TSPAN18: variants seen among roughly 807,000 people sequenced by gnomAD.
TSPAN18 encodes tetraspanin 18, also known as tetraspanin-18.
In TSPAN18, 14 loss-of-function variants were observed where a neutral mutation model predicts 27.3. That is an observed-to-expected ratio of 0.51 (90% CI 0.34 to 0.80). TSPAN18 has a LOEUF of 0.80. Ranked by LOEUF, TSPAN18 falls within the 30% of genes least tolerant of loss-of-function variation. TSPAN18 has a pLI of 0.01. For synonymous variants in TSPAN18, 143 were observed against 136.5 expected, an observed-to-expected ratio of 1.05 and a Z score of -0.33; for missense variants, 268 against 323.9, an observed-to-expected ratio of 0.83 and a Z score of 1.32.
intron 3 of TSPAN18, among the ~76,000 whole-genome samples, chr11:44,892,872 A>G (rs1858899145): frequency 6.6e-6 from 1 of 152,178 alleles, no homozygotes; most frequent in Admixed American, 6.5e-5. Context: ...CTCGCAGGGT[A>G]GTTGAGAGGG....
At chr11:44,729,262 G>GT (rs201779429) in intron 1 of TSPAN18, among the ~76,000 whole-genome samples, 1,579 of 151,934 alleles carry the variant, frequency 0.01, 25 homozygotes, top group African/African-American at 0.035. Context: ...AACAAAAGAA[G>GT]TTTTTTTTTG....
chr11:44,823,844 A>C (rs1247002957), intron 2 of TSPAN18, among the ~76,000 whole-genome samples: 1 of 152,212 alleles, frequency 6.6e-6, no homozygotes, highest in Non-Finnish European at 1.5e-5. Context: ...AGACAATCAG[A>C]GAAGCTCATT....
chr11:44,738,449 C>T (rs922960395), intron 1 of TSPAN18, among the ~76,000 whole-genome samples: 11 of 152,296 alleles, frequency 7.2e-5, no homozygotes, highest in African/African-American at 2.6e-4. Context: ...CCTCATTTTC[C>T]CATCATAAAA....
At position 44,773,416 on chromosome 11, in the gene TSPAN18, C is replaced by CAA. The variant is rs143838540; in HGVS notation, c.-153+8912_-153+8913dup. Among the ~76,000 whole-genome samples the CAA allele has an allele frequency of 4.0e-5, 6 of 149,984 alleles. No homozygotes were observed. In the South Asian group the frequency reaches 8.4e-4, roughly 21 times the overall value. Reference sequence around the variant, plus strand: ...GGGCAACAAGAGTGAAACTCCATCTCAAAAAAAAACCCAAAAAACAAAAAA... The same window carrying CAA: ...GGGCAACAAGAGTGAAACTCCATCTCAAAAAAAAAAACCCAAAAAACAAAAAA... On this transcript the variant is annotated intron_variant, in intron 2 of 9. Transcript: ENST00000520358.
chr11:44,729,272 G>A (rs1361294415), intron 1 of TSPAN18, among the ~76,000 whole-genome samples: 1 of 151,796 alleles, frequency 6.6e-6, no homozygotes, highest in African/African-American at 2.4e-5. Flanking sequence ...GTTTTTTTTT[G>A]TTGTGTTTTG....
chr11:44,741,946 T>G (rs987726874), intron 1 of TSPAN18, among the ~76,000 whole-genome samples: 1 of 151,816 alleles, frequency 6.6e-6, no homozygotes, highest in African/African-American at 2.4e-5. Context: ...TTTTTTCCTT[T>G]GCCTCTCCAG....
At chr11:44,808,637 A>G (rs539245459) in intron 2 of TSPAN18, among the ~76,000 whole-genome samples, 1 of 152,242 alleles carries the variant, frequency 6.6e-6, no homozygotes, top group African/African-American at 2.4e-5. Flanking sequence ...ATCTCAGGAG[A>G]TCAGAAAGCA....
intron 2 of TSPAN18, among the ~76,000 whole-genome samples, chr11:44,854,799 C>A (rs1404388744): frequency 1.3e-5 from 2 of 152,180 alleles, no homozygotes; most frequent in African/African-American, 4.8e-5. Context: ...TCTCTGCTTC[C>A]TGGTCTATAA....
At chr11:44,877,906 T>C (rs1002715993) in intron 3 of TSPAN18, among the ~76,000 whole-genome samples, 2 of 152,004 alleles carry the variant, frequency 1.3e-5, no homozygotes, top group African/African-American at 4.8e-5. Flanking sequence ...TCCCCACTGC[T>C]CCTGGCCTAA....
chr11:44,784,909 G>A (rs964541739), intron 2 of TSPAN18, among the ~76,000 whole-genome samples: 6 of 152,206 alleles, frequency 3.9e-5, no homozygotes, highest in Non-Finnish European at 8.8e-5. Flanking sequence ...ACCCTAAGGC[G>A]ACTGCACTAC....
chr11:44,845,762 G>C (rs1383218260), intron 2 of TSPAN18, among the ~76,000 whole-genome samples: 1 of 152,222 alleles, frequency 6.6e-6, no homozygotes, highest in African/African-American at 2.4e-5. Flanking sequence ...CCTGTGTTCT[G>C]TCTGCCCTCT....
chr11:44,733,089 C>T (rs1483748607), intron 1 of TSPAN18, among the ~76,000 whole-genome samples: 2 of 152,210 alleles, frequency 1.3e-5, no homozygotes, highest in African/African-American at 4.8e-5. Flanking sequence ...CATCACTTCA[C>T]CTCCAGCACC....
At position 44,930,490 on chromosome 11, in the gene TSPAN18, G is replaced by A. The variant is rs748769466; in HGVS notation, c.*1312G>A. 6 of 239,450 alleles carry A rather than the reference G, an allele frequency of 2.5e-5. No individual in the cohort carries two copies. The highest frequency in any genetic ancestry group is 2.5e-5 in the Non-Finnish European group (3 of 120,008). 14.8% of individuals were successfully genotyped at this position (239,450 alleles called of 1,614,324 possible). A position where few individuals can be genotyped will look rare whatever the true frequency, so the allele number is the denominator to read the frequency against. On this transcript the variant is annotated 3_prime_UTR_variant, in exon 10 of 10. Transcript: ENST00000520358. ...TCTTCTCTCCAGGCTAAAGAATCCC[G>A]AAGGCATCGAGGCCATTTCTGCTGC...
intron 2 of TSPAN18, among the ~76,000 whole-genome samples, chr11:44,818,017 C>T (rs1041932454): frequency 1.3e-5 from 2 of 152,188 alleles, no homozygotes; most frequent in Non-Finnish European, 2.9e-5. Context: ...ATCACCTATC[C>T]AGGAAATGGG....
intron 2 of TSPAN18, among the ~76,000 whole-genome samples, chr11:44,801,579 T>A (rs766881776): frequency 1.8e-4 from 27 of 152,086 alleles, no homozygotes; most frequent in Non-Finnish European, 2.9e-4. Flanking sequence ...ATGAAAAAAA[T>A]ATCTTCATAA....
chr11:44,890,674 G>A (rs1858815922), intron 3 of TSPAN18, among the ~76,000 whole-genome samples: 1 of 149,604 alleles, frequency 6.7e-6, no homozygotes, highest in Non-Finnish European at 1.5e-5. Context: ...CAGCCTGGGC[G>A]GAACCCAGGA....
Position 44,931,022 on chromosome 11 carries a change from T to C in TSPAN18, c.*1844T>C. The C allele has an allele frequency of 2.2e-6, 1 of 459,474 alleles. No individual in the cohort carries two copies. Among genetic ancestry groups the C allele is most frequent in the Non-Finnish European group, 4.4e-6 (1 of 225,556 alleles). The allele number at this position is 459,474 out of a possible 1,614,324, so 28.5% of individuals were successfully genotyped here. ...CCCCTTCTGAGATGCAGCCAGAAGC[T>C]CTGTGCCTGCTGCAAAGATTCAGGT... On this transcript the variant is annotated 3_prime_UTR_variant, in exon 10 of 10. Coordinates refer to ENST00000520358, the MANE Select transcript of TSPAN18 (RefSeq NM_130783.5).
intron 6 of TSPAN18, among the ~76,000 whole-genome samples, chr11:44,918,928 G>C (rs898945795): frequency 2.6e-5 from 4 of 151,960 alleles, no homozygotes; most frequent in Non-Finnish European, 5.9e-5. Context: ...TCCCCACCCA[G>C]ATAAGCCCTC....
chr11:44,801,776 A>G (rs568162405), intron 2 of TSPAN18, among the ~76,000 whole-genome samples: 115 of 152,274 alleles, frequency 7.6e-4, no homozygotes, highest in Non-Finnish European at 1.4e-3. Flanking sequence ...TCACACCTGT[A>G]ATCGCAGCAC....
Sources: gnomAD v4.1 joint callset for allele counts (sites outside exome capture counted in the v4.1 genomes callset) on GRCh38, gnomAD v4.1.1 for gene constraint, MANE v1.5 for transcripts, NCBI Gene and HGNC (gene_info 2026-07-23, HGNC 2026-07-21) for gene names.